The following TXNDC8 variants were observed in gnomAD, a reference collection of about 807,000 sequenced individuals.
TXNDC8 encodes thioredoxin domain-containing protein 8.
In TXNDC8, 15 loss-of-function variants were observed where a neutral mutation model predicts 12.9. The observed-to-expected ratio is 1.16, with a 90% CI of 0.78 to 1.79. The LOEUF (loss-of-function observed/expected upper bound fraction) is 1.79. Among genes scored for constraint, TXNDC8 ranks in the 40% most tolerant of loss-of-function variants. The pLI is 0.00. For missense variants in TXNDC8, 128 were observed against 113.2 expected, an observed-to-expected ratio of 1.13 and a Z score of -0.59; for synonymous variants, 40 against 35.4, an observed-to-expected ratio of 1.13 and a Z score of -0.46.
chr9:110,333,866 A>G (rs993065563), intron 2 of TXNDC8, among the ~76,000 whole-genome samples: 1 of 152,228 alleles, frequency 6.6e-6, no homozygotes, highest in East Asian at 1.9e-4. Context: ...AACAAATATC[A>G]TATTTATCTG....
chr9:110,323,288 G>A (rs759018011), intron 3 of TXNDC8: 12 of 985,250 alleles, frequency 1.2e-5, no homozygotes, highest in East Asian at 1.1e-4. Context: ...TATCCAAAAC[G>A]GATATATTTG....
intron 1 of TXNDC8, 39 bp downstream of exon 1, chr9:110,337,734 C>T (rs769624330): frequency 6.2e-7 from 1 of 1,604,192 alleles, no homozygotes; most frequent in Non-Finnish European, 8.5e-7. Flanking sequence ...CCAAGATGTC[C>T]ACATTTGAAA....
At chr9:110,312,467 C>T (rs1300978383) in intron 3 of TXNDC8, among the ~76,000 whole-genome samples, 2 of 152,170 alleles carry the variant, frequency 1.3e-5, no homozygotes, top group Non-Finnish European at 2.9e-5. Flanking sequence ...GTACAGGATT[C>T]CTGACCTGTG....
intron 3 of TXNDC8, among the ~76,000 whole-genome samples, chr9:110,311,662 G>A (rs1838684434): frequency 9.2e-6 from 1 of 108,646 alleles, no homozygotes; most frequent in African/African-American, 3.9e-5. Context: ...TATGGATATA[G>A]TAATATAGTA....
At chr9:110,331,756 A>G (rs1265173602) in intron 2 of TXNDC8, among the ~76,000 whole-genome samples, 1 of 152,148 alleles carries the variant, frequency 6.6e-6, no homozygotes, top group African/African-American at 2.4e-5. Context: ...GCAATTCACA[A>G]TAGGGTTTGC....
intron 3 of TXNDC8, among the ~76,000 whole-genome samples, chr9:110,319,997 A>G (rs1480953578): frequency 2.0e-5 from 3 of 152,218 alleles, no homozygotes. Flanking sequence ...ATTTGTGACT[A>G]ATTTGTTTAG....
At chr9:110,327,352 C>T (rs1007383027) in intron 2 of TXNDC8, among the ~76,000 whole-genome samples, 1 of 146,022 alleles carries the variant, frequency 6.8e-6, no homozygotes. Context: ...GATGGAATTT[C>T]GCTCTTGTCG....
At chr9:110,327,092 C>A (rs1564105512) in intron 2 of TXNDC8, among the ~76,000 whole-genome samples, 2 of 152,100 alleles carry the variant, frequency 1.3e-5, no homozygotes, top group African/African-American at 2.4e-5. Context: ...GAGCTCTAAT[C>A]AAAAAGCCAG....
chr9:110,336,275 C>G (rs1839756983), intron 1 of TXNDC8, among the ~76,000 whole-genome samples: 1 of 152,172 alleles, frequency 6.6e-6, no homozygotes, highest in South Asian at 2.1e-4. Context: ...AATTATGTGG[C>G]TACTTTGTTT....
At chr9:110,308,411 A>G (rs1407814547) in intron 3 of TXNDC8, among the ~76,000 whole-genome samples, 1 of 152,010 alleles carries the variant, frequency 6.6e-6, no homozygotes, top group Non-Finnish European at 1.5e-5. Context: ...GCTAAAGTTA[A>G]TAACCAGCTG....
At chr9:110,314,476 A>G (rs1202872699) in intron 3 of TXNDC8, among the ~76,000 whole-genome samples, 1 of 141,280 alleles carries the variant, frequency 7.1e-6, no homozygotes, top group East Asian at 2.0e-4. Flanking sequence ...TCTGTCACCC[A>G]GGCTGGAGTG....
chr9:110,331,054 C>G (rs1314964620), intron 2 of TXNDC8, among the ~76,000 whole-genome samples: 1 of 152,222 alleles, frequency 6.6e-6, no homozygotes, highest in Admixed American at 6.5e-5. Context: ...ATTTCACCAT[C>G]CTGGAGAGCC....
At chr9:110,302,634 G>GTTT (rs369362259), downstream of TXNDC8, among the ~76,000 whole-genome samples, 3 of 140,286 alleles carry the variant, frequency 2.1e-5, no homozygotes, top group Non-Finnish European at 4.7e-5. Context: ...AGTTAGCTCA[G>GTTT]TTTTTTTTTT....
chr9:110,331,059 A>T (rs1347821562), intron 2 of TXNDC8, among the ~76,000 whole-genome samples: 1 of 152,212 alleles, frequency 6.6e-6, no homozygotes, highest in Admixed American at 6.5e-5. Context: ...ACCATCCTGG[A>T]GAGCCTGGAA....
At chr9:110,311,521 G>GAGATA (rs1491185921) in intron 3 of TXNDC8, among the ~76,000 whole-genome samples, 5 of 41,220 alleles carry the variant, frequency 1.2e-4, no homozygotes, top group African/African-American at 3.0e-4. Flanking sequence ...AAATAAAGAG[G>GAGATA]TATATATATA....
chr9:110,325,884 G>C (rs1839296785), intron 3 of TXNDC8, among the ~76,000 whole-genome samples: 1 of 152,146 alleles, frequency 6.6e-6, no homozygotes, highest in African/African-American at 2.4e-5. Flanking sequence ...CTTTCTTGAT[G>C]GTTTTGCCCC....
At chr9:110,318,433 T>C (rs935579075) in intron 3 of TXNDC8, among the ~76,000 whole-genome samples, 1 of 152,124 alleles carries the variant, frequency 6.6e-6, no homozygotes, top group Non-Finnish European at 1.5e-5. Flanking sequence ...GGGTAGGTAC[T>C]GGGGTAAAAA....
intron 3 of TXNDC8, among the ~76,000 whole-genome samples, chr9:110,305,240 G>A (rs1168529426): frequency 2.7e-5 from 4 of 150,924 alleles, no homozygotes; most frequent in Non-Finnish European, 5.9e-5. Context: ...GGAATTCTAC[G>A]ATATGTATTC....
chr9:110,323,879 T>G, intron 3 of TXNDC8: 2 of 1,550,590 alleles, frequency 1.3e-6, no homozygotes, highest in Non-Finnish European at 1.7e-6. Flanking sequence ...GTTATTTACC[T>G]AGCTGCTTAA....
Sources: allele counts gnomAD v4.1 joint callset (sites outside exome capture counted in the v4.1 genomes callset), GRCh38; gene constraint gnomAD v4.1.1; transcripts MANE v1.5; gene names NCBI Gene and HGNC (gene_info 2026-07-23, HGNC 2026-07-21).